The following RSRC1 variants were observed in gnomAD, a reference collection of about 807,000 sequenced individuals.
The protein encoded by RSRC1 is serine/Arginine-related protein 53.
In RSRC1, 39 loss-of-function variants were observed where a neutral mutation model predicts 49.1. That is an observed-to-expected ratio of 0.79 (90% CI 0.61 to 1.04). The LOEUF is 1.04. Ranked by LOEUF, RSRC1 falls within the 50% of genes least tolerant of loss-of-function variation. The pLI is 0.00. For missense variants in RSRC1, 388 were observed against 402.4 expected (o/e 0.96, Z 0.31); for synonymous variants, 143 against 130.8 (o/e 1.09, Z -0.63).
chr3:158,512,489 C>A lies in RSRC1; in HGVS notation c.653-24603C>A, dbSNP rs1346675489. The stretch of plus-strand genomic sequence containing the variant: ...ATTGATCTATATCTGTGTTTTGGTA[C>A]CAGTACCATGCTGTTTTGTTTACTG... On this transcript the variant is annotated intron_variant, in intron 7 of 9. Transcript: ENST00000611884. Among the ~76,000 whole-genome samples, 9 of 152,220 alleles carry A rather than the reference C, an allele frequency of 5.9e-5. No homozygotes were observed. In the South Asian group the frequency reaches 1.9e-3, roughly 32 times the overall value.
chr3:158,149,036 A>C (rs867678017), intron 3 of RSRC1, among the ~76,000 whole-genome samples: 1 of 152,180 alleles, frequency 6.6e-6, no homozygotes, highest in African/African-American at 2.4e-5. Flanking sequence ...CACCCACCTC[A>C]GCCTTCCAAA....
intron 4 of RSRC1, among the ~76,000 whole-genome samples, chr3:158,264,506 A>G (rs1169245213): frequency 2.0e-5 from 3 of 152,080 alleles, no homozygotes; most frequent in Admixed American, 1.3e-4. Context: ...ACTGTTCTCT[A>G]AGTGTCAATT....
intron 6 of RSRC1, among the ~76,000 whole-genome samples, chr3:158,424,852 C>G (rs1578460840): frequency 6.6e-6 from 1 of 152,010 alleles, no homozygotes; most frequent in South Asian, 2.1e-4. Context: ...TCTAGATTTT[C>G]TAGTTTATTT....
intron 6 of RSRC1, among the ~76,000 whole-genome samples, chr3:158,458,682 C>G (rs1357472170): frequency 1.3e-5 from 2 of 151,880 alleles, no homozygotes; most frequent in African/African-American, 2.4e-5. Flanking sequence ...ATCTGGTATC[C>G]GAACAGGATC....
intron 8 of RSRC1, 70 bp downstream of exon 8, chr3:158,537,268 T>G (rs923040469): frequency 2.7e-5 from 24 of 892,828 alleles, no homozygotes; most frequent in Non-Finnish European, 4.0e-5. Flanking sequence ...ATTAATGGAT[T>G]TTACTTAAAT....
intron 7 of RSRC1, among the ~76,000 whole-genome samples, chr3:158,500,706 T>A (rs552079797): frequency 1.2e-4 from 18 of 152,186 alleles, no homozygotes; most frequent in Non-Finnish European, 1.9e-4. Context: ...GGTGTGAGTT[T>A]AATATCTCCT....
intron 5 of RSRC1, among the ~76,000 whole-genome samples, chr3:158,353,995 C>CTTCT (rs1731015929): frequency 4.2e-5 from 4 of 96,302 alleles, no homozygotes; most frequent in Non-Finnish European, 3.9e-5. Context: ...GTTTCTTTTT[C>CTTCT]TTTTTTTTTT....
chr3:158,318,476 A>C (rs1181523985), intron 5 of RSRC1, among the ~76,000 whole-genome samples: 1 of 152,152 alleles, frequency 6.6e-6, no homozygotes. Context: ...AAAGTGCTTT[A>C]CTGGTTTTTG....
intron 3 of RSRC1, among the ~76,000 whole-genome samples, chr3:158,154,175 G>C: frequency 1.1e-5 from 1 of 94,060 alleles, no homozygotes; most frequent in Non-Finnish European, 2.9e-5. Context: ...GTATGTAATA[G>C]CATTGTGTTT....
chr3:158,260,182 C>T (rs912526321), intron 4 of RSRC1, among the ~76,000 whole-genome samples: 6 of 152,040 alleles, frequency 3.9e-5, no homozygotes, highest in East Asian at 1.9e-4. Flanking sequence ...TTGGAATGTG[C>T]GGGGTTACAC....
chr3:158,354,282 T>A (rs1327903338), intron 5 of RSRC1, among the ~76,000 whole-genome samples: 2 of 152,164 alleles, frequency 1.3e-5, no homozygotes, highest in Non-Finnish European at 2.9e-5. Flanking sequence ...AGCCACTGCG[T>A]CCGGCTGGAA....
chr3:158,530,311 TATC>T (rs1410976997), intron 7 of RSRC1, among the ~76,000 whole-genome samples: 1 of 151,972 alleles, frequency 6.6e-6, no homozygotes, highest in Non-Finnish European at 1.5e-5. Context: ...GAGCACAGGT[TATC>T]ATCTCCCAGA....
intron 4 of RSRC1, among the ~76,000 whole-genome samples, chr3:158,234,771 C>T (rs549740213): frequency 4.8e-4 from 73 of 152,126 alleles, no homozygotes; most frequent in South Asian, 1.2e-3. Context: ...TAGAAACAAA[C>T]GAAGATTTTT....
chr3:158,490,135 A>T lies in RSRC1; in HGVS notation c.652+29132A>T, dbSNP rs1739007977. On this transcript the variant is annotated intron_variant, in intron 7 of 9. Coordinates refer to ENST00000611884, the MANE Select transcript of RSRC1 (RefSeq NM_001271838.2). ...AGTCTCACTCTGTCACCCAGGCTGGAGTGCAGTGGTGCCATCTCAGCTCAC... is the reference window on the plus strand; with the variant it reads ...AGTCTCACTCTGTCACCCAGGCTGGTGTGCAGTGGTGCCATCTCAGCTCAC... 2.0e-5 allele frequency among the ~76,000 whole-genome samples: 3 copies of T among 152,118 alleles called. No homozygotes were observed. In the South Asian group the frequency reaches 6.2e-4, roughly 32 times the overall value.
intron 7 of RSRC1, among the ~76,000 whole-genome samples, chr3:158,470,524 T>C (rs1166706922): frequency 7.2e-5 from 11 of 152,102 alleles, no homozygotes; most frequent in Admixed American, 7.2e-4. Context: ...GGAGGATTAA[T>C]ACAACATATG....
At chr3:158,347,340 A>G (rs1730610568) in intron 5 of RSRC1, among the ~76,000 whole-genome samples, 1 of 152,200 alleles carries the variant, frequency 6.6e-6, no homozygotes, top group African/African-American at 2.4e-5. Context: ...AAGACTCTGT[A>G]AAGGGCCCAG....
chr3:158,462,085 T>C (rs74371791), intron 7 of RSRC1, among the ~76,000 whole-genome samples: 2,633 of 151,646 alleles, frequency 0.017, 64 homozygotes, highest in African/African-American at 0.06. Flanking sequence ...TGTACACATA[T>C]AGTATAGTGT....
At chr3:158,275,964 G>A (rs1725786040) in intron 4 of RSRC1, 1 of 752,614 alleles carries the variant, frequency 1.3e-6, no homozygotes, top group African/African-American at 1.7e-5. Context: ...TTGTGGACTG[G>A]TTCGGTGATC....
intron 5 of RSRC1, among the ~76,000 whole-genome samples, chr3:158,329,041 G>A (rs1455651796): frequency 6.6e-6 from 1 of 152,100 alleles, no homozygotes; most frequent in African/African-American, 2.4e-5. Flanking sequence ...GCTACTGAAG[G>A]TTGTGCATTT....
Sources: allele counts gnomAD v4.1 joint callset (sites outside exome capture counted in the v4.1 genomes callset), GRCh38; gene constraint gnomAD v4.1.1; transcripts MANE v1.5; gene names NCBI Gene and HGNC (gene_info 2026-07-23, HGNC 2026-07-21).